The following KIF21A variants were observed in gnomAD, a reference collection of about 807,000 sequenced individuals.
KIF21A encodes kinesin-like protein KIF21A.
KIF21A carries 114 observed loss-of-function variants against 202.9 expected under a neutral mutation model. The observed-to-expected ratio is 0.56, with a 90% confidence interval of 0.48 to 0.66. The LOEUF (loss-of-function observed/expected upper bound fraction) is 0.66. Ranked by LOEUF, KIF21A falls within the 30% of genes least tolerant of loss-of-function variation. KIF21A has a pLI of 0.00. For synonymous variants in KIF21A, 667 were observed against 670.8 expected (o/e 0.99, Z 0.09); for missense variants, 1,677 against 1,994.9 (o/e 0.84, Z 3.04).
intron 37 of KIF21A, among the ~76,000 whole-genome samples, chr12:39,299,051 T>C (rs1942698345): frequency 2.0e-5 from 3 of 152,200 alleles, no homozygotes; most frequent in Non-Finnish European, 2.9e-5. Flanking sequence ...TTCTTGGTTA[T>C]TTTCCTGTGA....
At chr12:39,388,005 G>C (rs1951071284) in intron 1 of KIF21A, among the ~76,000 whole-genome samples, 2 of 152,170 alleles carry the variant, frequency 1.3e-5, no homozygotes, top group Admixed American at 1.3e-4. Flanking sequence ...AAAGTGATGT[G>C]TGCTACTTCC....
chr12:39,306,038 G>A (rs1274522362), intron 34 of KIF21A, among the ~76,000 whole-genome samples: 1 of 152,170 alleles, frequency 6.6e-6, no homozygotes, highest in Non-Finnish European at 1.5e-5. Flanking sequence ...GACCAGCTAT[G>A]CGGCTGGTAG....
intron 1 of KIF21A, among the ~76,000 whole-genome samples, chr12:39,416,765 A>ATATATATATATGTACATATATATGTG (rs1953743190): frequency 1.3e-5 from 1 of 75,640 alleles, no homozygotes; most frequent in East Asian, 3.7e-4. Flanking sequence ...ATATATGTGT[A>ATATATATATATGTACATATATATGTG]TATATATATG....
chr12:39,377,231 G>C (rs902788878), intron 1 of KIF21A, among the ~76,000 whole-genome samples: 8 of 152,128 alleles, frequency 5.3e-5, no homozygotes, highest in African/African-American at 1.9e-4. Context: ...CCTCTGTACA[G>C]GTCTTTTGCC....
In KIF21A at chr12:39,333,371, G is replaced by A. The variant is rs574003729; in HGVS notation, c.2419-91C>T. ...TGAATATATTTCCCCATACCCCTGG[G>A]AACTATGAGTTCTTAGCAGAATCTT... On this transcript the variant is annotated intron_variant, in intron 17 of 37. Transcript: ENST00000361418. 1.8e-5 allele frequency: 17 copies of A among 943,592 alleles called. No homozygotes were observed. The South Asian group carries it at 1.9e-4, about 10-fold the overall frequency. 58.5% of individuals were successfully genotyped at this position (943,592 alleles called of 1,614,324 possible).
chr12:39,299,333 C>T (rs1942736364), intron 37 of KIF21A, among the ~76,000 whole-genome samples: 1 of 152,058 alleles, frequency 6.6e-6, no homozygotes, highest in Non-Finnish European at 1.5e-5. Flanking sequence ...GGAAGACATA[C>T]ATGCCGCTAA....
At chr12:39,343,824 T>C (rs1947659231) in intron 12 of KIF21A, among the ~76,000 whole-genome samples, 2 of 152,224 alleles carry the variant, frequency 1.3e-5, no homozygotes, top group South Asian at 4.1e-4. Flanking sequence ...ACCCAGGTCC[T>C]GGCACATAAT....
At chr12:39,388,889 A>C (rs1951141462) in intron 1 of KIF21A, among the ~76,000 whole-genome samples, 6 of 152,180 alleles carry the variant, frequency 3.9e-5, no homozygotes, top group Admixed American at 3.9e-4. Flanking sequence ...AGCTCTAAAC[A>C]TACTGAAACC....
Position 39,351,759 on chromosome 12 carries a change from G to A in KIF21A, c.1673+18C>T. The A allele has an allele frequency of 7.1e-7, 1 of 1,413,110 alleles. No homozygotes were observed. Among genetic ancestry groups the A allele is most frequent in the Non-Finnish European group, 1.0e-6 (1 of 1,002,370 alleles). 87.5% of individuals were successfully genotyped at this position (1,413,110 alleles called of 1,614,324 possible). On this transcript the variant is annotated intron_variant, in intron 11 of 37. Coordinates refer to ENST00000361418, the MANE Select transcript of KIF21A (RefSeq NM_001173464.2). ...AAAGGAAATAGAGATTCATTTAGTG[G>A]TGATTTTATAATCCCACCTTTTTTT...
chr12:39,372,031 T>A (rs187691033), intron 1 of KIF21A, among the ~76,000 whole-genome samples: 1,741 of 140,428 alleles, frequency 0.012, 22 homozygotes, highest in African/African-American at 0.034. Context: ...TTGTGAAATT[T>A]AAAAAAAAAA....
At chr12:39,416,687 GTATA>G (rs34970852) in intron 1 of KIF21A, among the ~76,000 whole-genome samples, 3 of 86,638 alleles carry the variant, frequency 3.5e-5, no homozygotes, top group Non-Finnish European at 6.1e-5. Context: ...ATATATGTGT[GTATA>G]TATATATGTA....
chr12:39,424,001 A>G (rs1408545391), intron 1 of KIF21A, among the ~76,000 whole-genome samples: 24 of 148,258 alleles, frequency 1.6e-4, no homozygotes, highest in African/African-American at 5.6e-4. Context: ...AAAAAAAAAA[A>G]AAAAAAAAAA....
chr12:39,394,260 G>A (rs1951574897), intron 1 of KIF21A, among the ~76,000 whole-genome samples: 1 of 152,126 alleles, frequency 6.6e-6, no homozygotes, highest in African/African-American at 2.4e-5. Context: ...TCTATTTACC[G>A]TTTTGAAGCA....
chr12:39,306,528 C>T (rs1943488316), intron 34 of KIF21A, among the ~76,000 whole-genome samples: 1 of 152,130 alleles, frequency 6.6e-6, no homozygotes, highest in African/African-American at 2.4e-5. Context: ...GCCAGTCATA[C>T]TTTAACATGC....
At chr12:39,320,085 T>A in intron 27 of KIF21A, 72 bp from the exon 28 acceptor site, 1 of 812,348 alleles carries the variant, frequency 1.2e-6, no homozygotes, top group Non-Finnish European at 2.1e-6. Flanking sequence ...ATAGTCAATC[T>A]AAAATTTGTA....
chr12:39,366,350 A>T lies in KIF21A; in HGVS notation c.903T>A (p.Leu301=), dbSNP rs78806233. The T allele has an allele frequency of 2.7e-3, 4,301 of 1,613,432 alleles. 54 individuals carry two copies. The East Asian group carries it at 0.043, about 16-fold the overall frequency. The change falls in exon 6 of 38, where the codon CTT becomes CTA. Residue 301 remains leucine, a splice_region_variant and synonymous_variant. Transcript: ENST00000361418. ...TCTCAGCACAAAGCCTTAATCTTAC[A>T]AGTCCACAGTTGATAGAAATGCCTT... ...AKEGISINCG[L]LALGNVISAL...
At chr12:39,348,590 G>A (rs1033638723) in intron 11 of KIF21A, among the ~76,000 whole-genome samples, 34 of 151,668 alleles carry the variant, frequency 2.2e-4, no homozygotes, top group African/African-American at 8.2e-4. Flanking sequence ...ATTGTCAGAG[G>A]CCCTATAGCC....
intron 1 of KIF21A, among the ~76,000 whole-genome samples, chr12:39,438,038 CAATA>C (rs1939058334): frequency 6.6e-6 from 1 of 152,068 alleles, no homozygotes; most frequent in South Asian, 2.1e-4. Flanking sequence ...CAGAGCACAG[CAATA>C]GATATCAGAA....
intron 1 of KIF21A, among the ~76,000 whole-genome samples, chr12:39,393,732 T>G (rs1418238857): frequency 6.6e-6 from 1 of 152,222 alleles, no homozygotes; most frequent in Non-Finnish European, 1.5e-5. Context: ...ACTATTTCTG[T>G]GCTTGCAGTG....
Sources: allele counts gnomAD v4.1 joint callset (sites outside exome capture counted in the v4.1 genomes callset), GRCh38; gene constraint gnomAD v4.1.1; transcripts MANE v1.5; gene names NCBI Gene and HGNC (gene_info 2026-07-23, HGNC 2026-07-21).